RIN3: variants seen among roughly 807,000 people sequenced by gnomAD.
RIN3 encodes Ras and Rab interactor 3.
Under a neutral mutation model 76.3 loss-of-function variants are expected in RIN3, and 54 were observed. The observed-to-expected ratio is 0.71, with a 90% CI of 0.57 to 0.89. RIN3 has a LOEUF of 0.89. Among genes scored for constraint, RIN3 ranks in the 40% least tolerant of loss-of-function variants. RIN3 has a pLI of 0.00. For synonymous variants in RIN3, 576 were observed against 564.0 expected, an observed-to-expected ratio of 1.02 and a Z score of -0.30; for missense variants, 1,256 against 1,322.1, an observed-to-expected ratio of 0.95 and a Z score of 0.78.
At chr14:92,565,355 AGACCCTAGGGAAGGGTTCTT>A (rs1897890010) in intron 2 of RIN3, among the ~76,000 whole-genome samples, 1 of 152,222 alleles carries the variant, frequency 6.6e-6, no homozygotes, top group Non-Finnish European at 1.5e-5. Context: ...GTCCCAAGCC[AGACCCTAGGGAAGGGTTCTT>A]GGACCTCAGG....
chr14:92,578,911 A>C (rs1898343562), intron 3 of RIN3, among the ~76,000 whole-genome samples: 1 of 151,652 alleles, frequency 6.6e-6, no homozygotes, highest in Non-Finnish European at 1.5e-5. Flanking sequence ...CTGAGCCATA[A>C]TTTCTTTTAT....
chr14:92,563,492 C>T (rs1411077354), intron 2 of RIN3, among the ~76,000 whole-genome samples: 1 of 152,094 alleles, frequency 6.6e-6, no homozygotes. Flanking sequence ...TTCCAACAAC[C>T]CTGCAAAACA....
intron 1 of RIN3, among the ~76,000 whole-genome samples, chr14:92,532,695 C>G (rs1369321984): frequency 6.6e-6 from 1 of 152,130 alleles, no homozygotes; most frequent in Admixed American, 6.6e-5. Context: ...AGGCGGGGGT[C>G]ACGGGGCCAC....
chr14:92,601,552 G>A (rs549250357), intron 3 of RIN3, among the ~76,000 whole-genome samples: 1 of 152,164 alleles, frequency 6.6e-6, no homozygotes, highest in East Asian at 1.9e-4. Context: ...GGCACTCAGG[G>A]CTGTTGTCAC....
chr14:92,543,144 C>G (rs779480364), intron 1 of RIN3, among the ~76,000 whole-genome samples: 19 of 152,132 alleles, frequency 1.2e-4, no homozygotes, highest in Non-Finnish European at 2.5e-4. Context: ...CCGCAGTTGA[C>G]AAACCTTCCC....
rs1238333109 is a variant in RIN3 at position 92,545,971 on chromosome 14, G to T, written c.45-9780G>T. Among the ~76,000 whole-genome samples the T allele has an allele frequency of 2.7e-5, 4 of 150,890 alleles. No individual in the cohort carries two copies. In the East Asian group the frequency reaches 7.8e-4, roughly 29 times the overall value. ...GACGTAGTCTTGCTTTGTCCCCCAG[G>T]CCGGAGTGCAGTGGCATGATCTCGG... On this transcript the variant is annotated intron_variant, in intron 1 of 9. Transcript: ENST00000216487.
At chr14:92,654,653 G>A (rs1428060191) in intron 6 of RIN3, among the ~76,000 whole-genome samples, 1 of 152,240 alleles carries the variant, frequency 6.6e-6, no homozygotes, top group African/African-American at 2.4e-5. Flanking sequence ...GATTCATGAT[G>A]GCGTTTCAGG....
rs1886265424 is a variant in RIN3, at chr14:92,623,909, A to G, written c.440+8430A>G. On this transcript the variant is annotated intron_variant, in intron 4 of 9. Coordinates refer to ENST00000216487, the MANE Select transcript of RIN3 (RefSeq NM_024832.5). The surrounding 1 kb of genome is among the most constrained non-coding windows in gnomAD (Gnocchi z 4.9). ...GATGGCCCTCGGGGGCTCACCCTCA[A>G]GGTGTTGAGTTTCAGGGAATAGCAC... 6.6e-6 allele frequency among the ~76,000 whole-genome samples: 1 copy of G among 152,232 alleles called. No individual in the cohort carries two copies. The highest frequency in any genetic ancestry group is 2.4e-5 in the African/African-American group (1 of 41,458).
At chr14:92,557,609 G>T (rs557215447) in intron 2 of RIN3, among the ~76,000 whole-genome samples, 3 of 152,376 alleles carry the variant, frequency 2.0e-5, no homozygotes, top group East Asian at 3.9e-4. Flanking sequence ...CTTCTGCAAA[G>T]TCCTGACCTC....
intron 4 of RIN3, among the ~76,000 whole-genome samples, chr14:92,621,243 A>T (rs1381556529): frequency 6.6e-6 from 1 of 151,422 alleles, no homozygotes; most frequent in Non-Finnish European, 1.5e-5. Flanking sequence ...CTCAAAAAAA[A>T]AAAAAAAAAA....
chr14:92,525,104 C>T (rs77793049), intron 1 of RIN3, among the ~76,000 whole-genome samples: 1 of 152,316 alleles, frequency 6.6e-6, no homozygotes, highest in African/African-American at 2.4e-5. Context: ...CTTTCATTCT[C>T]TTGCCAAGCC....
intron 7 of RIN3, among the ~76,000 whole-genome samples, chr14:92,668,966 A>C (rs926888935): frequency 6.6e-6 from 1 of 152,232 alleles, no homozygotes; most frequent in African/African-American, 2.4e-5. Flanking sequence ...AAATTCATTC[A>C]TTCAACCGTT....
intron 7 of RIN3, among the ~76,000 whole-genome samples, chr14:92,660,466 C>T (rs1391515008): frequency 2.6e-5 from 4 of 152,106 alleles, no homozygotes; most frequent in Admixed American, 6.5e-5. Flanking sequence ...GCCTTGCTCA[C>T]GTGCTGAGTG....
rs1003661475 is a variant in RIN3 at position 92,527,998 on chromosome 14, C to T, written c.44+14022C>T. 5.5e-4 allele frequency among the ~76,000 whole-genome samples: 80 copies of T among 144,976 alleles called. 1 individual carries two copies. The highest frequency in any genetic ancestry group is 2.2e-4 in the Non-Finnish European group (15 of 67,428). ...TTCATAGTGGAGCCACGCGGGCAGGCTTGCATTTGGGCTGCTATGTGAAGA... is the reference window on the plus strand; with the variant it reads ...TTCATAGTGGAGCCACGCGGGCAGGTTTGCATTTGGGCTGCTATGTGAAGA... On this transcript the variant is annotated intron_variant, in intron 1 of 9. Transcript: ENST00000216487.
intron 5 of RIN3, among the ~76,000 whole-genome samples, chr14:92,642,975 A>G (rs1001707346): frequency 6.6e-6 from 1 of 152,208 alleles, no homozygotes. Context: ...AGTCATGTCC[A>G]GTTTCACACA....
At chr14:92,591,727 C>G (rs1356448161) in intron 3 of RIN3, among the ~76,000 whole-genome samples, 9 of 152,050 alleles carry the variant, frequency 5.9e-5, no homozygotes, top group Non-Finnish European at 1.3e-4. Flanking sequence ...ATTTCTGTAC[C>G]TTGTGAAATT....
chr14:92,515,430 C>CT (rs962969566), intron 1 of RIN3: 2 of 540,540 alleles, frequency 3.7e-6, no homozygotes, highest in Non-Finnish European at 6.6e-6. Context: ...TTCCTCTTGT[C>CT]TTTTTTTGTT....
intron 3 of RIN3, among the ~76,000 whole-genome samples, chr14:92,613,275 A>G (rs1885817373): frequency 6.6e-6 from 1 of 152,108 alleles, no homozygotes; most frequent in Admixed American, 6.5e-5. Context: ...AATGCACCAG[A>G]TGCGGGCACT....
intron 8 of RIN3, among the ~76,000 whole-genome samples, chr14:92,680,898 G>A (rs1888639263): frequency 6.6e-6 from 1 of 152,190 alleles, no homozygotes; most frequent in Non-Finnish European, 1.5e-5. Context: ...TGCAAGGAAG[G>A]GCCTGAGTGC....
Sources: gnomAD v4.1 joint callset for allele counts (sites outside exome capture counted in the v4.1 genomes callset) on GRCh38, gnomAD v4.1.1 for gene constraint, Gnocchi (gnomAD v3.1) non-coding constraint, MANE v1.5 for transcripts, NCBI Gene and HGNC (gene_info 2026-07-23, HGNC 2026-07-21) for gene names.